Variants in RBFOX1 observed in about 807,000 individuals in gnomAD.
RBFOX1 encodes RNA binding fox-1 homolog 1, also known as RNA binding protein fox-1 homolog 1.
A neutral mutation model predicts 57.7 loss-of-function variants in RBFOX1; 8 were observed. The ratio of observed to expected loss-of-function variants is 0.14; its 90% CI spans 0.08 to 0.25. RBFOX1 has a LOEUF of 0.25. Among genes scored for constraint, RBFOX1 ranks in the 10% least tolerant of loss-of-function variants. The pLI is 1.00. For missense variants in RBFOX1, 611 were observed against 548.5 expected, an observed-to-expected ratio of 1.11 and a Z score of -1.14; for synonymous variants, 326 against 222.4, an observed-to-expected ratio of 1.47 and a Z score of -4.15.
intron 4 of RBFOX1, among the ~76,000 whole-genome samples, chr16:7,132,667 C>T (rs1213561242): frequency 1.3e-5 from 2 of 151,794 alleles, no homozygotes; most frequent in Non-Finnish European, 2.9e-5. Flanking sequence ...TAAGGGCAGC[C>T]TGACGCACAC....
intron 5 of RBFOX1, among the ~76,000 whole-genome samples, chr16:7,547,474 T>C (rs1427383566): frequency 6.6e-6 from 1 of 152,226 alleles, no homozygotes; most frequent in Non-Finnish European, 1.5e-5. Flanking sequence ...AATGATCATC[T>C]GACTGGGGCA....
At chr16:5,325,469 G>GT (rs936775090) in intron 1 of RBFOX1, among the ~76,000 whole-genome samples, 5 of 152,058 alleles carry the variant, frequency 3.3e-5, no homozygotes, top group Non-Finnish European at 5.9e-5. Flanking sequence ...TAAAATTGCC[G>GT]TTTTTTGGAT....
chr16:7,179,581 G>A (rs1288873599), intron 4 of RBFOX1, among the ~76,000 whole-genome samples: 2 of 151,876 alleles, frequency 1.3e-5, no homozygotes, highest in East Asian at 3.9e-4. Flanking sequence ...AATTTAACGT[G>A]GACACATGGT....
In RBFOX1 at chr16:6,734,932, G is replaced by T. The variant is rs188862278; in HGVS notation, c.-16+80282G>T. 1.8e-4 allele frequency among the ~76,000 whole-genome samples: 27 copies of T among 152,252 alleles called. No individual in the cohort carries two copies. In the East Asian group the frequency reaches 5.2e-3, roughly 29 times the overall value. ...GTTGTGTTGCCTCGCTTGAGCCCAG[G>T]AGTTTAAGACTGGCATGGGCAACAC... On this transcript the variant is annotated intron_variant, in intron 3 of 15. Transcript: ENST00000550418.
rs544328659 is a variant in RBFOX1 at position 5,547,917 on chromosome 16, T to C, written c.259-50985T>C. 1.2e-4 allele frequency among the ~76,000 whole-genome samples: 19 copies of C among 152,014 alleles called. No homozygotes were observed. The South Asian group carries it at 1.9e-3, about 15-fold the overall frequency. The stretch of plus-strand genomic sequence containing the variant: ...GCTCATGCCTGTAATCCTAGCACTT[T>C]GGGAGGCTAAGGTGGGCAGATCCCC... On this transcript the variant is annotated intron_variant, in intron 2 of 2. Transcript: ENST00000585867.
intron 3 of RBFOX1, among the ~76,000 whole-genome samples, chr16:6,825,100 A>T (rs1283472113): frequency 1.4e-5 from 2 of 144,440 alleles, no homozygotes. Flanking sequence ...TGGTTCAAAC[A>T]ATTCTCCTGC....
chr16:5,425,983 G>A (rs1015071703), intron 1 of RBFOX1, among the ~76,000 whole-genome samples: 3 of 152,204 alleles, frequency 2.0e-5, no homozygotes, highest in Non-Finnish European at 4.4e-5. Flanking sequence ...GAGAGAGTGT[G>A]CAGGGACAGG....
At chr16:5,270,613 C>A in intron 1 of RBFOX1, 1 of 583,496 alleles carries the variant, frequency 1.7e-6, no homozygotes. Flanking sequence ...AAAAACGCAA[C>A]AATCAGATAC....
At chr16:7,111,949 C>A (rs1467517036) in intron 4 of RBFOX1, among the ~76,000 whole-genome samples, 1 of 152,114 alleles carries the variant, frequency 6.6e-6, no homozygotes, top group Non-Finnish European at 1.5e-5. Flanking sequence ...GCTGACTTGT[C>A]ACCCTGAATT....
intron 2 of RBFOX1, among the ~76,000 whole-genome samples, chr16:6,614,716 C>G (rs149591021): frequency 8.7e-4 from 132 of 152,236 alleles, no homozygotes; most frequent in African/African-American, 3.0e-3. Flanking sequence ...GTCTATCACT[C>G]CAGTCTCTGG....
intron 3 of RBFOX1, among the ~76,000 whole-genome samples, chr16:6,843,100 T>G (rs1185827403): frequency 2.6e-5 from 4 of 152,196 alleles, no homozygotes; most frequent in African/African-American, 9.6e-5. Flanking sequence ...TTTACTATTG[T>G]AAATAGGTTG....
chr16:7,276,238 C>T (rs2095437629), intron 4 of RBFOX1, among the ~76,000 whole-genome samples: 2 of 152,264 alleles, frequency 1.3e-5, no homozygotes, highest in East Asian at 3.9e-4. Flanking sequence ...TTTCTGGCTG[C>T]AGACTTTGTG....
intron 4 of RBFOX1, among the ~76,000 whole-genome samples, chr16:7,132,667 C>G (rs1213561242): frequency 6.6e-6 from 1 of 151,794 alleles, no homozygotes; most frequent in African/African-American, 2.4e-5. Context: ...TAAGGGCAGC[C>G]TGACGCACAC....
intron 4 of RBFOX1, among the ~76,000 whole-genome samples, chr16:7,120,861 A>ACACACACACACACACACACATT (rs2067018861): frequency 6.7e-6 from 1 of 150,184 alleles, no homozygotes. Flanking sequence ...ACACACACAT[A>ACACACACACACACACACACATT]CGTAAACATA....
At chr16:5,245,615 A>AT (rs1201642006) in intron 1 of RBFOX1, among the ~76,000 whole-genome samples, 1 of 152,076 alleles carries the variant, frequency 6.6e-6, no homozygotes, top group African/African-American at 2.4e-5. Context: ...TGACTTTTGT[A>AT]TTTTTAGTAG....
At chr16:7,261,576 C>T (rs1291105557) in intron 4 of RBFOX1, among the ~76,000 whole-genome samples, 1 of 152,184 alleles carries the variant, frequency 6.6e-6, no homozygotes, top group Non-Finnish European at 1.5e-5. Flanking sequence ...TCAAACCGTG[C>T]TTTAAAGACT....
At position 5,455,024 on chromosome 16, in the gene RBFOX1, TC is replaced by T. The variant is rs1175111583; in HGVS notation, c.220-12191del. Among the ~76,000 whole-genome samples, 358 of 115,292 alleles carry T rather than the reference TC, an allele frequency of 3.1e-3. 3 individuals are homozygous for T. The highest frequency in any genetic ancestry group is 0.014 in the East Asian group (51 of 3,596). 75.6% of individuals were successfully genotyped at this position (115,292 alleles called of 152,430 possible). On this transcript the variant is annotated intron_variant, in intron 1 of 2. Coordinates refer to the RBFOX1 transcript ENST00000585867. ...CTTTCTTTCTTTCTTTCTTTCTTTC[TC>T]TCTCTCTGTCTGTCTCTCTTTCTTT...
chr16:5,773,820 C>T (rs1432737495), intron 3 of RBFOX1, among the ~76,000 whole-genome samples: 1 of 152,124 alleles, frequency 6.6e-6, no homozygotes. Context: ...GCCTCAACCT[C>T]CTGAGTAGCT....
intron 2 of RBFOX1, among the ~76,000 whole-genome samples, chr16:6,555,873 T>C (rs2097090939): frequency 6.6e-6 from 1 of 152,184 alleles, no homozygotes; most frequent in African/African-American, 2.4e-5. Context: ...GTCTGGTTAT[T>C]AGTCAATTCT....
Sources: allele counts gnomAD v4.1 joint callset (sites outside exome capture counted in the v4.1 genomes callset), GRCh38; gene constraint gnomAD v4.1.1; transcripts MANE v1.5; gene names NCBI Gene and HGNC (gene_info 2026-07-23, HGNC 2026-07-21).